The following NISCH variants were observed in gnomAD, a reference collection of about 807,000 sequenced individuals.
The protein encoded by NISCH is nischarin, also known as I-1 receptor candidate protein.
NISCH carries 55 observed loss-of-function variants against 138.4 expected under a neutral mutation model. That is an observed-to-expected ratio of 0.40 (90% confidence interval 0.32 to 0.50). The LOEUF (loss-of-function observed/expected upper bound fraction) is 0.50. Among genes scored for constraint, NISCH ranks in the 20% least tolerant of loss-of-function variants. NISCH has a pLI of 0.71. For missense variants in NISCH, 1,643 were observed against 2,005.5 expected, an observed-to-expected ratio of 0.82 and a Z score of 3.45; for synonymous variants, 860 against 861.5, an observed-to-expected ratio of 1.00 and a Z score of 0.03.
At position 52,492,780 on chromosome 3, in the gene NISCH, ACTTTCT is replaced by A; in HGVS notation, c.*302_*307del. On this transcript the variant is annotated 3_prime_UTR_variant, in exon 21 of 21. Coordinates refer to ENST00000345716, the MANE Select transcript of NISCH (RefSeq NM_007184.4). ...GTTAACACGTGACACTGTGGGTCTG[ACTTTCT>A]CTTCTACACGTCCTTTCCTGAAGTG... The A allele has an allele frequency of 2.3e-6, 1 of 427,834 alleles. No homozygotes were observed. The highest frequency in any genetic ancestry group is 3.8e-5 in the East Asian group (1 of 26,194). The allele number at this position is 427,834 out of a possible 1,614,324, so 26.5% of individuals were successfully genotyped here. A position where few individuals can be genotyped will look rare whatever the true frequency, so the allele number is the denominator to read the frequency against.
At chr3:52,482,348 C>T (rs915719354) in intron 13 of NISCH, among the ~76,000 whole-genome samples, 6 of 152,286 alleles carry the variant, frequency 3.9e-5, no homozygotes, top group East Asian at 1.9e-4. Context: ...AGCCTCCCGT[C>T]GTGGCAGGCG....
In NISCH at chr3:52,462,326, C is replaced by G. The variant is rs1706658138; in HGVS notation, c.360+3482C>G. 2.0e-5 allele frequency among the ~76,000 whole-genome samples: 3 copies of G among 152,334 alleles called. No individual in the cohort carries two copies. In the East Asian group the frequency reaches 5.8e-4, roughly 29 times the overall value. On this transcript the variant is annotated intron_variant, in intron 3 of 20. Transcript: ENST00000345716. ...GCATTGTTTAGCAGCACCCTGGCTT[C>G]TACCCACTGGATGCCAGTAGCACTT...
At chr3:52,457,982 C>T in intron 2 of NISCH, 56 bp downstream of exon 2, 1 of 1,340,544 alleles carries the variant, frequency 7.5e-7, no homozygotes, top group Non-Finnish European at 1.1e-6. Flanking sequence ...CGTAGGCCAA[C>T]TTTCCATTGT....
At chr3:52,460,178 C>G (rs1706592041) in intron 3 of NISCH, among the ~76,000 whole-genome samples, 1 of 81,562 alleles carries the variant, frequency 1.2e-5, no homozygotes. Context: ...GAGAGTAAGA[C>G]TTCATCTCAA....
chr3:52,463,157 T>G (rs1464181637), intron 3 of NISCH, among the ~76,000 whole-genome samples: 1 of 152,244 alleles, frequency 6.6e-6, no homozygotes, highest in Non-Finnish European at 1.5e-5. Context: ...ATCTACTTTC[T>G]GTCCTTATGG....
At position 52,489,480 on chromosome 3, in the gene NISCH, C is replaced by T. The variant is rs899747462; in HGVS notation, c.3258C>T (p.Val1086=). Residue 1086 remains valine (V), a synonymous_variant, in exon 17 of 21, where the codon GTC becomes GTT. Coordinates refer to ENST00000345716, the MANE Select transcript of NISCH (RefSeq NM_007184.4). ...APAEASTSAL[V]PEETPVEAPA... is the part of the protein sequence containing the mutation. ...CAGAGGCCTCAACTTCAGCTTTGGT[C>T]CCAGAGGAGACGCCAGTGGAAGCTC... 6.2e-7 allele frequency: 1 copy of T among 1,606,770 alleles called. No homozygotes were observed. Among genetic ancestry groups the T allele is most frequent in the African/African-American group, 1.3e-5 (1 of 74,916 alleles).
At chr3:52,473,983 C>A (rs1254145780) in intron 7 of NISCH, among the ~76,000 whole-genome samples, 154 bp downstream of exon 7, 3 of 152,210 alleles carry the variant, frequency 2.0e-5, no homozygotes, top group Non-Finnish European at 4.4e-5. Flanking sequence ...CATGGGGGGC[C>A]TCCCAGCACT....
intron 16 of NISCH, among the ~76,000 whole-genome samples, chr3:52,488,954 C>A (rs954908298): frequency 2.6e-5 from 4 of 152,220 alleles, no homozygotes; most frequent in Non-Finnish European, 5.9e-5. Context: ...AGAGCTGTCA[C>A]CCTGGCTGCT....
intron 6 of NISCH, among the ~76,000 whole-genome samples, chr3:52,472,974 T>G (rs1402860224): frequency 2.0e-5 from 3 of 152,228 alleles, no homozygotes; most frequent in African/African-American, 7.2e-5. Flanking sequence ...CATGTCTCCT[T>G]GATTGAATCT....
chr3:52,476,730 T>C, intron 8 of NISCH, 131 bp downstream of exon 8: 1 of 895,336 alleles, frequency 1.1e-6, no homozygotes, highest in Admixed American at 2.4e-5. Flanking sequence ...TGCCTGCCAT[T>C]TTAAGTTAAT....
rs1420184884 is a variant in NISCH at position 52,478,450 on chromosome 3, T to C, written c.1175T>C (p.Met392Thr). The C allele has an allele frequency of 6.2e-7, 1 of 1,614,218 alleles. No individual in the cohort carries two copies. The highest frequency in any genetic ancestry group is 1.1e-5 in the South Asian group (1 of 91,086). Reference protein sequence around the residue: ...LDLRDNRIEQMEEVRSIGSLP... With the variant: ...LDLRDNRIEQTEEVRSIGSLP... ...GGGGATGGAACTCATACCTTGCAGA[T>C]GGAGGAGGTCCGGAGCATAGGCAGC... Residue 392 changes from methionine to threonine, a missense_variant and splice_region_variant, in exon 11 of 21, where the codon ATG (methionine) becomes ACG (threonine). Coordinates refer to ENST00000345716, the MANE Select transcript of NISCH (RefSeq NM_007184.4).
intron 13 of NISCH, chr3:52,481,818 A>C (rs1395947583): frequency 3.0e-6 from 3 of 985,324 alleles, no homozygotes; most frequent in South Asian, 4.7e-5. Flanking sequence ...GACACTCTGC[A>C]GAGGGGCACT....
At chr3:52,478,339 A>G (rs1249758297) in intron 10 of NISCH, 57 bp downstream of exon 10, 71 of 1,606,760 alleles carry the variant, frequency 4.4e-5, no homozygotes, top group South Asian at 2.6e-4. Flanking sequence ...GTATCATGTT[A>G]AAGAAGAATG....
intron 13 of NISCH, among the ~76,000 whole-genome samples, chr3:52,484,050 C>T (rs550326480): frequency 2.0e-5 from 3 of 152,252 alleles, no homozygotes; most frequent in South Asian, 2.1e-4. Flanking sequence ...CGTTCTTCTG[C>T]GGAATGTCTG....
At chr3:52,488,911 G>A (rs994056015) in intron 16 of NISCH, among the ~76,000 whole-genome samples, 3 of 152,228 alleles carry the variant, frequency 2.0e-5, no homozygotes, top group African/African-American at 7.2e-5. Context: ...TGCCCAGTGG[G>A]AGAGCAACAG....
In NISCH at chr3:52,455,665, G is replaced by A. The variant is rs755696880; in HGVS notation, c.24G>A (p.Gly8=). 7.4e-7 allele frequency: 1 copy of A among 1,356,300 alleles called. No homozygotes were observed. The highest frequency in any genetic ancestry group is 9.6e-7 in the Non-Finnish European group (1 of 1,045,372). 84.0% of individuals were successfully genotyped at this position (1,356,300 alleles called of 1,614,324 possible). A position where few individuals can be genotyped will look rare whatever the true frequency, so the allele number is the denominator to read the frequency against. The part of the protein sequence containing the change: MATARTF[G]PEREAEPAKE... ...ACATGGCGACCGCGCGCACCTTCGG[G>A]CCCGAGCGGGAAGCCGAGCCGGCCA... Residue 8 remains glycine, a synonymous_variant, in exon 1 of 21, where the codon GGG becomes GGA. Transcript: ENST00000345716.
chr3:52,479,886 G>A, intron 12 of NISCH, 24 bp downstream of exon 12: 2 of 1,570,118 alleles, frequency 1.3e-6, no homozygotes, highest in South Asian at 2.2e-5. Context: ...GCAGGTGGGA[G>A]GGCAGTGGTG....
At chr3:52,462,713 G>C (rs1462801254) in intron 3 of NISCH, among the ~76,000 whole-genome samples, 1 of 152,128 alleles carries the variant, frequency 6.6e-6, no homozygotes, top group Non-Finnish European at 1.5e-5. Context: ...TCGGCTCACT[G>C]CAACCTCCAC....
In NISCH at chr3:52,487,685, C is replaced by G; in HGVS notation, c.2193C>G (p.Leu731=). ...SIRQFAACLV[L]TDFGIAVFEI... ...GCCAGTTCGCCGCCTGCCTTGTGCTCACCGACTTCGGCATCGCAGTCTTCG... is the reference window on the plus strand; with the variant it reads ...GCCAGTTCGCCGCCTGCCTTGTGCTGACCGACTTCGGCATCGCAGTCTTCG... The change falls in exon 16 of 21, where the codon CTC becomes CTG. Residue 731 remains leucine, a synonymous_variant. Coordinates refer to ENST00000345716, the MANE Select transcript of NISCH (RefSeq NM_007184.4). This position sits in a 1 kb window ranked among gnomAD's most constrained non-coding sequence, Gnocchi z 9.1. 2 of 1,613,798 alleles carry G rather than the reference C, an allele frequency of 1.2e-6. No homozygotes were observed. The highest frequency in any genetic ancestry group is 2.2e-5 in the South Asian group (2 of 91,076).
Sources: allele counts gnomAD v4.1 joint callset (sites outside exome capture counted in the v4.1 genomes callset), GRCh38; gene constraint gnomAD v4.1.1; non-coding constraint Gnocchi (gnomAD v3.1); transcripts MANE v1.5; gene names NCBI Gene and HGNC (gene_info 2026-07-23, HGNC 2026-07-21).